Variants in ISY1 observed in about 807,000 individuals in gnomAD.
The protein encoded by ISY1 is ISY1 spliceosome associated protein.
In ISY1, 12 loss-of-function variants were observed where a neutral mutation model predicts 54.4. The observed-to-expected ratio is 0.22, with a 90% confidence interval of 0.14 to 0.36. The LOEUF is 0.36. Among genes scored for constraint, ISY1 ranks in the 10% least tolerant of loss-of-function variants. The probability of loss-of-function intolerance (pLI) is 1.00; values close to 1 mark genes in which losing one functional copy is unlikely to be tolerated. For synonymous variants in ISY1, 96 were observed against 117.9 expected, an observed-to-expected ratio of 0.81 and a Z score of 1.20; for missense variants, 282 against 342.2, an observed-to-expected ratio of 0.82 and a Z score of 1.39.
At chr3:129,132,401 C>A (rs1225069209) in intron 9 of ISY1, among the ~76,000 whole-genome samples, 1 of 152,126 alleles carries the variant, frequency 6.6e-6, no homozygotes, top group Non-Finnish European at 1.5e-5. Context: ...ACGCCAGCTC[C>A]CCATCAGCCT....
Position 129,156,292 on chromosome 3 carries a change from G to A in ISY1, c.187+341C>T, listed in dbSNP as rs544198289. 1.5e-4 allele frequency among the ~76,000 whole-genome samples: 22 copies of A among 151,700 alleles called. No individual in the cohort carries two copies. In the East Asian group the frequency reaches 2.3e-3, roughly 16 times the overall value. On this transcript the variant is annotated intron_variant, in intron 5 of 10. Transcript: ENST00000393295. ...TGGGCACCTGTAGTCCCAGCTATTC[G>A]GGAGGCTGAGGCAGGAGAATGGCGT...
At chr3:129,160,918 G>GCCCCGGGGGGGGGGGGGGGGGC in intron 1 of ISY1, 55 bp downstream of exon 1, 1 of 666,128 alleles carries the variant, frequency 1.5e-6, no homozygotes, top group Non-Finnish European at 2.7e-6. Flanking sequence ...TGGACTGGGC[G>GCCCCGGGGGGGGGGGGGGGGGC]CCCCCCCGCC....
At chr3:129,151,578 G>A (rs186893090) in intron 5 of ISY1, among the ~76,000 whole-genome samples, 2 of 152,188 alleles carry the variant, frequency 1.3e-5, no homozygotes, top group Admixed American at 6.5e-5. Context: ...GCAGTGAGCC[G>A]AGACTGCACC....
At chr3:129,157,613 C>T (rs1159812446) in intron 3 of ISY1, among the ~76,000 whole-genome samples, 3 of 149,930 alleles carry the variant, frequency 2.0e-5, no homozygotes, top group Non-Finnish European at 4.4e-5. Flanking sequence ...TCCAGCTACT[C>T]AGGAGGCTGA....
At chr3:129,152,939 C>G (rs1937021752) in intron 5 of ISY1, among the ~76,000 whole-genome samples, 1 of 151,774 alleles carries the variant, frequency 6.6e-6, no homozygotes, top group Admixed American at 6.6e-5. Context: ...TAGAACTGAC[C>G]AGTGAAGCCA....
At chr3:129,153,823 G>A (rs185276304) in intron 5 of ISY1, among the ~76,000 whole-genome samples, 207 of 151,950 alleles carry the variant, frequency 1.4e-3, no homozygotes, top group African/African-American at 4.7e-3. Flanking sequence ...ACTATTTCTC[G>A]GCCAGGCACT....
At chr3:129,138,842 A>G (rs942227622) in intron 7 of ISY1, among the ~76,000 whole-genome samples, 2 of 149,734 alleles carry the variant, frequency 1.3e-5, no homozygotes, top group Admixed American at 1.3e-4. Flanking sequence ...GAAAGAAAGA[A>G]AGAAACTGGA....
At chr3:129,132,265 C>T (rs1422252205) in intron 9 of ISY1, among the ~76,000 whole-genome samples, 3 of 152,142 alleles carry the variant, frequency 2.0e-5, no homozygotes, top group Non-Finnish European at 4.4e-5. Context: ...TGAGATACAA[C>T]CACTGGGGGG....
intron 5 of ISY1, among the ~76,000 whole-genome samples, chr3:129,149,872 T>C (rs1212568269): frequency 6.8e-6 from 1 of 148,032 alleles, no homozygotes; most frequent in Admixed American, 6.8e-5. Context: ...TACATGAGAG[T>C]TTGAGGCAAA....
At chr3:129,134,778 A>G (rs1489961499) in intron 8 of ISY1, 54 bp downstream of exon 8, 1 of 1,550,190 alleles carries the variant, frequency 6.5e-7, no homozygotes, top group Non-Finnish European at 8.7e-7. Context: ...TTTTCAAAGG[A>G]CACAACAGAA....
At chr3:129,146,327 G>A (rs911899600) in intron 5 of ISY1, among the ~76,000 whole-genome samples, 2 of 152,110 alleles carry the variant, frequency 1.3e-5, no homozygotes, top group Non-Finnish European at 2.9e-5. Flanking sequence ...AAAATTTTTG[G>A]CAAGGACTAT....
intron 5 of ISY1, among the ~76,000 whole-genome samples, chr3:129,147,078 G>T (rs2107611948): frequency 7.0e-6 from 1 of 143,774 alleles, no homozygotes; most frequent in East Asian, 2.1e-4. Flanking sequence ...AAAAAGTCAA[G>T]TAAGAATATA....
intron 5 of ISY1, among the ~76,000 whole-genome samples, chr3:129,148,207 C>T (rs921057000): frequency 6.6e-6 from 1 of 152,066 alleles, no homozygotes; most frequent in Non-Finnish European, 1.5e-5. Flanking sequence ...ACCAGAAGGA[C>T]CTTTGGGTTG....
intron 5 of ISY1, among the ~76,000 whole-genome samples, chr3:129,156,260 G>A (rs1367249574): frequency 2.0e-5 from 3 of 151,836 alleles, no homozygotes; most frequent in Admixed American, 6.6e-5. Flanking sequence ...TTAGCCGGGC[G>A]TGGTTGTGGG....
intron 5 of ISY1, among the ~76,000 whole-genome samples, chr3:129,152,682 A>G (rs1937013486): frequency 1.3e-5 from 2 of 152,218 alleles, no homozygotes; most frequent in Non-Finnish European, 2.9e-5. Context: ...CTGGAATTAC[A>G]GGCGTGAGCC....
chr3:129,156,592 G>C, intron 5 of ISY1, 41 bp downstream of exon 5: 1 of 1,596,176 alleles, frequency 6.3e-7, no homozygotes, highest in Non-Finnish European at 8.5e-7. Flanking sequence ...TCTAATTGTG[G>C]ATTTGAGAAT....
chr3:129,156,767 T>C, intron 4 of ISY1, 88 bp downstream of exon 4: 1 of 1,563,008 alleles, frequency 6.4e-7, no homozygotes, highest in South Asian at 1.2e-5. Context: ...TAAAAATACT[T>C]AGACTTTTGG....
chr3:129,144,496 T>C (rs1292183503), intron 6 of ISY1, among the ~76,000 whole-genome samples: 1 of 152,210 alleles, frequency 6.6e-6, no homozygotes, highest in African/African-American at 2.4e-5. Flanking sequence ...AGTCCATTGA[T>C]TACATACTGT....
At chr3:129,143,070 C>G (rs1936668754) in intron 6 of ISY1, among the ~76,000 whole-genome samples, 1 of 150,912 alleles carries the variant, frequency 6.6e-6, no homozygotes, top group African/African-American at 2.4e-5. Flanking sequence ...CAAAAATTAG[C>G]TGAGCATGGT....
Sources: gnomAD v4.1 joint callset for allele counts (sites outside exome capture counted in the v4.1 genomes callset) on GRCh38, gnomAD v4.1.1 for gene constraint, MANE v1.5 for transcripts, NCBI Gene and HGNC (gene_info 2026-07-23, HGNC 2026-07-21) for gene names.